Variants in MPHOSPH10 observed in about 807,000 individuals in gnomAD.
The protein encoded by MPHOSPH10 is U3 small nucleolar ribonucleoprotein MPP10.
Under a neutral mutation model 77.3 loss-of-function variants are expected in MPHOSPH10, and 33 were observed. That is an observed-to-expected ratio of 0.43 (90% CI 0.32 to 0.57). MPHOSPH10 has a LOEUF of 0.57. Ranked by LOEUF, MPHOSPH10 falls within the 20% of genes least tolerant of loss-of-function variation. MPHOSPH10 has a pLI of 0.07. For synonymous variants in MPHOSPH10, 245 were observed against 268.0 expected, an observed-to-expected ratio of 0.91 and a Z score of 0.84; for missense variants, 708 against 780.1, an observed-to-expected ratio of 0.91 and a Z score of 1.10.
At chr2:71,147,326 G>T (rs1161981583) in intron 8 of MPHOSPH10, among the ~76,000 whole-genome samples, 1 of 152,148 alleles carries the variant, frequency 6.6e-6, no homozygotes, top group East Asian at 1.9e-4. Context: ...GATAGGAATA[G>T]TTGAGGAAGA....
chr2:71,132,351 TC>T (rs1401635233), intron 1 of MPHOSPH10, among the ~76,000 whole-genome samples: 4 of 152,166 alleles, frequency 2.6e-5, no homozygotes, highest in Non-Finnish European at 5.9e-5. Context: ...CATCAGTCTC[TC>T]CAGCTTCACC....
Position 71,133,115 on chromosome 2 carries a change from G to A in MPHOSPH10, c.307G>A (p.Asp103Asn), listed in dbSNP as rs1289290643. ...NAVSETINDE[D>N]ISLLPESEEQ... Reference sequence around the variant, plus strand: ...AGTTAGTGAAACAATTAATGATGAAGATATCAGTCTTCTCCCAGAGAGTGA... The same window carrying A: ...AGTTAGTGAAACAATTAATGATGAAAATATCAGTCTTCTCCCAGAGAGTGA... Residue 103 changes from aspartate to asparagine, a missense_variant, in exon 2 of 11, where the codon GAT (aspartate) becomes AAT (asparagine). Physicochemically the swap from Asp to Asn is conservative, Grantham distance 23 (BLOSUM62 1). Around this residue, in one of 3 missense-constraint regions of MPHOSPH10, gnomAD observed 433 missense variants for 432.6 expected, o/e 1.00. Coordinates refer to ENST00000244230, the MANE Select transcript of MPHOSPH10 (RefSeq NM_005791.3). The A allele has an allele frequency of 3.7e-6, 6 of 1,614,014 alleles. No individual in the cohort carries two copies. The highest frequency in any genetic ancestry group is 5.1e-6 in the Non-Finnish European group (6 of 1,180,004).
chr2:71,144,946 C>T (rs1673679554), intron 8 of MPHOSPH10, among the ~76,000 whole-genome samples: 1 of 152,150 alleles, frequency 6.6e-6, no homozygotes, highest in African/African-American at 2.4e-5. Context: ...TGCTATGTGT[C>T]ATATTAGGTT....
chr2:71,149,527 G>GA (rs1469787818), intron 10 of MPHOSPH10, 74 bp downstream of exon 10: 2 of 1,383,096 alleles, frequency 1.4e-6, no homozygotes, highest in Non-Finnish European at 2.0e-6. Context: ...TGGGTGACTG[G>GA]AATGTCTGAG....
intron 1 of MPHOSPH10, among the ~76,000 whole-genome samples, chr2:71,131,448 T>C (rs1282958656): frequency 3.3e-5 from 5 of 152,214 alleles, no homozygotes; most frequent in Admixed American, 6.5e-5. Flanking sequence ...AGAATTGTTG[T>C]TTCTACCCAC....
In MPHOSPH10 at chr2:71,150,035, A is replaced by G. The variant is rs748331990; in HGVS notation, c.*20A>G. ...CTGTAATATATTTTGAATATAATGT[A>G]AATATTAATGTGTAAGCTTATATTG... On this transcript the variant is annotated 3_prime_UTR_variant, in exon 11 of 11. Coordinates refer to ENST00000244230, the MANE Select transcript of MPHOSPH10 (RefSeq NM_005791.3). 22 of 1,164,032 alleles carry G rather than the reference A, an allele frequency of 1.9e-5. No homozygotes were observed. The highest frequency in any genetic ancestry group is 8.6e-5 in the South Asian group (5 of 57,966). 72.1% of individuals were successfully genotyped at this position (1,164,032 alleles called of 1,614,324 possible).
Position 71,149,982 on chromosome 2 carries a change from A to G in MPHOSPH10, c.2013A>G (p.Arg671=). The G allele has an allele frequency of 6.9e-7, 1 of 1,450,888 alleles. No homozygotes were observed. The highest frequency in any genetic ancestry group is 9.4e-7 in the Non-Finnish European group (1 of 1,062,604). The allele number at this position is 1,450,888 out of a possible 1,614,324, so 89.9% of individuals were successfully genotyped here. A position where few individuals can be genotyped will look rare whatever the true frequency, so the allele number is the denominator to read the frequency against. Residue 671 remains arginine (R), a synonymous_variant, in exon 11 of 11, where the codon AGA becomes AGG. Coordinates refer to ENST00000244230, the MANE Select transcript of MPHOSPH10 (RefSeq NM_005791.3). ...AKKTEKKKKK[R]QDISVHKLKL is the part of the protein sequence containing the mutation. ...AAACAGAAAAGAAAAAGAAGAAAAG[A>G]CAGGATATTTCTGTTCATAAATTAA...
chr2:71,133,723 C>G, intron 2 of MPHOSPH10, 147 bp downstream of exon 2: 1 of 1,007,558 alleles, frequency 9.9e-7, no homozygotes, highest in South Asian at 2.1e-5. Context: ...TCTGTACTTC[C>G]ATTCAATTTA....
At chr2:71,131,694 G>T (rs9941517) in intron 1 of MPHOSPH10, among the ~76,000 whole-genome samples, 34 of 152,328 alleles carry the variant, frequency 2.2e-4, no homozygotes, top group African/African-American at 7.0e-4. Context: ...ATTAGCAGAG[G>T]AGGACGGGGT....
intron 7 of MPHOSPH10, among the ~76,000 whole-genome samples, chr2:71,143,617 C>T (rs973632700): frequency 3.3e-5 from 5 of 152,156 alleles, no homozygotes; most frequent in African/African-American, 1.2e-4. Context: ...AGTTGCTACC[C>T]TTTCCTCACT....
Position 71,150,012 on chromosome 2 carries a change from G to A in MPHOSPH10, c.2043G>A (p.Leu681=), listed in dbSNP as rs1422386242. ...ATATTTCTGTTCATAAATTAAAGCT[G>A]TAATATATTTTGAATATAATGTAAA... is the stretch of plus-strand genomic sequence containing the variant. ...RQDISVHKLK[L] The change falls in exon 11 of 11, where the codon CTG becomes CTA. Residue 681 remains leucine (L), a synonymous_variant. Transcript: ENST00000244230. 2.3e-6 allele frequency: 3 copies of A among 1,288,378 alleles called. No homozygotes were observed. Among genetic ancestry groups the A allele is most frequent in the East Asian group, 2.4e-5 (1 of 41,054 alleles). The allele number at this position is 1,288,378 out of a possible 1,614,324, so 79.8% of individuals were successfully genotyped here. A position where few individuals can be genotyped will look rare whatever the true frequency, so the allele number is the denominator to read the frequency against.
At chr2:71,130,804 C>A (rs746363524) in intron 1 of MPHOSPH10, 50 bp downstream of exon 1, 2 of 1,544,980 alleles carry the variant, frequency 1.3e-6, no homozygotes, top group African/African-American at 1.4e-5. Flanking sequence ...CTCACGTGGA[C>A]GCGGGTTGCA....
Position 71,133,112 on chromosome 2 carries a change from G to A in MPHOSPH10, c.304G>A (p.Glu102Lys), listed in dbSNP as rs1673418614. The A allele has an allele frequency of 6.2e-7, 1 of 1,614,144 alleles. No individual in the cohort carries two copies. Among genetic ancestry groups the A allele is most frequent in the Non-Finnish European group, 8.5e-7 (1 of 1,180,006 alleles). Residue 102 changes from glutamate (E) to lysine (K), a missense_variant, in exon 2 of 11, where the codon GAA becomes AAA. Coordinates refer to ENST00000244230, the MANE Select transcript of MPHOSPH10 (RefSeq NM_005791.3). ...TGCAGTTAGTGAAACAATTAATGAT[G>A]AAGATATCAGTCTTCTCCCAGAGAG... ...QNAVSETINDEDISLLPESEE... is the reference protein window; with the variant it reads ...QNAVSETINDKDISLLPESEE...
At chr2:71,141,450 G>A (rs1208918372) in intron 7 of MPHOSPH10, 81 bp downstream of exon 7, 4 of 1,190,164 alleles carry the variant, frequency 3.4e-6, no homozygotes, top group South Asian at 2.5e-5. Flanking sequence ...TGTTGAAATC[G>A]TGAAACAGAA....
Position 71,133,046 on chromosome 2 carries a change from C to T in MPHOSPH10, c.238C>T (p.Leu80=). The T allele has an allele frequency of 6.2e-7, 1 of 1,614,124 alleles. No individual in the cohort carries two copies. Among genetic ancestry groups the T allele is most frequent in the Non-Finnish European group, 8.5e-7 (1 of 1,180,016 alleles). The change falls in exon 2 of 11, where the codon CTG becomes TTG. Residue 80 remains leucine (L), a synonymous_variant. Coordinates refer to ENST00000244230, the MANE Select transcript of MPHOSPH10 (RefSeq NM_005791.3). The part of the protein sequence containing the change: ...NFDDEQIWQQ[L]ELQNEPILQY... Reference sequence around the variant, plus strand: ...TGATGATGAGCAGATTTGGCAACAACTGGAATTGCAAAATGAACCAATTTT... The same window carrying T: ...TGATGATGAGCAGATTTGGCAACAATTGGAATTGCAAAATGAACCAATTTT...
intron 10 of MPHOSPH10, 131 bp downstream of exon 10, chr2:71,149,584 G>C (rs1167728424): frequency 2.3e-6 from 2 of 868,578 alleles, no homozygotes; most frequent in African/African-American, 3.4e-5. Context: ...ATGCTGACTG[G>C]CTGGAATCGC....
chr2:71,142,094 A>G (rs1673625593), intron 7 of MPHOSPH10, among the ~76,000 whole-genome samples: 1 of 152,220 alleles, frequency 6.6e-6, no homozygotes, highest in Non-Finnish European at 1.5e-5. Flanking sequence ...TCCTATTCCT[A>G]GGAATATTAT....
intron 8 of MPHOSPH10, among the ~76,000 whole-genome samples, chr2:71,145,606 C>T (rs1197120545): frequency 6.6e-6 from 1 of 152,040 alleles, no homozygotes; most frequent in African/African-American, 2.4e-5. Context: ...CCCAAAGTCC[C>T]TGCTATGGGC....
chr2:71,143,175 C>T (rs1305180976), intron 7 of MPHOSPH10, among the ~76,000 whole-genome samples: 7 of 147,538 alleles, frequency 4.7e-5, no homozygotes, highest in African/African-American at 1.5e-4. Flanking sequence ...CGGAGTCTTG[C>T]TCGGTTGCCA....
Sources: allele counts gnomAD v4.1 joint callset (sites outside exome capture counted in the v4.1 genomes callset), GRCh38; gene constraint gnomAD v4.1.1; regional missense constraint gnomAD v4.1.1; transcripts MANE v1.5; gene names NCBI Gene and HGNC (gene_info 2026-07-23, HGNC 2026-07-21).